Variants in PLEKHA6 observed in about 807,000 individuals in gnomAD.
The protein encoded by PLEKHA6 is pleckstrin homology domain-containing family A member 6.
Under a neutral mutation model 116.7 loss-of-function variants are expected in PLEKHA6, and 60 were observed. The observed-to-expected ratio is 0.51, with a 90% CI of 0.42 to 0.64. PLEKHA6 has a LOEUF of 0.64. PLEKHA6 is among the 30% of genes least tolerant of loss of function. The probability of loss-of-function intolerance (pLI) is 0.00; values close to 1 mark genes in which losing one functional copy is unlikely to be tolerated. For missense variants in PLEKHA6, 1,338 were observed against 1,422.7 expected, an observed-to-expected ratio of 0.94 and a Z score of 0.96; for synonymous variants, 489 against 556.1, an observed-to-expected ratio of 0.88 and a Z score of 1.70.
chr1:204,305,769 C>T (rs1306203740), intron 1 of PLEKHA6, among the ~76,000 whole-genome samples: 1 of 149,752 alleles, frequency 6.7e-6, no homozygotes, highest in Non-Finnish European at 1.5e-5. Flanking sequence ...ATGTTTAATG[C>T]CCATAGTTTC....
chr1:204,227,962 G>C (rs1660594374), intron 21 of PLEKHA6, 121 bp downstream of exon 21: 3 of 1,018,924 alleles, frequency 2.9e-6, no homozygotes, highest in South Asian at 3.3e-5. Flanking sequence ...ACCTCGAGGA[G>C]CATCTCCTCA....
At chr1:204,293,705 T>C (rs113640301) in intron 1 of PLEKHA6, among the ~76,000 whole-genome samples, 9,451 of 152,252 alleles carry the variant, frequency 0.062, 420 homozygotes, top group Non-Finnish European at 0.094. Flanking sequence ...TACCGAGTTT[T>C]TTGGCACCCA....
intron 1 of PLEKHA6, chr1:204,326,911 A>G (rs1439406978): frequency 8.2e-6 from 7 of 855,134 alleles, no homozygotes; most frequent in Non-Finnish European, 9.8e-6. Flanking sequence ...AGGGTGAGGA[A>G]CTGCTCACTG....
intron 1 of PLEKHA6, among the ~76,000 whole-genome samples, chr1:204,377,271 G>T (rs1203758630): frequency 8.5e-5 from 13 of 152,168 alleles, no homozygotes; most frequent in Non-Finnish European, 1.8e-4. Flanking sequence ...AAAACTCCAG[G>T]CTGGGCATTG....
intron 1 of PLEKHA6, among the ~76,000 whole-genome samples, chr1:204,354,171 C>A (rs1187440834): frequency 6.6e-6 from 1 of 152,166 alleles, no homozygotes; most frequent in Non-Finnish European, 1.5e-5. Context: ...AAGGAGGGAC[C>A]TCACCTCCTC....
At chr1:204,347,254 G>A (rs1045131173) in intron 1 of PLEKHA6, 37 of 1,034,464 alleles carry the variant, frequency 3.6e-5, no homozygotes, top group Non-Finnish European at 5.1e-5. Context: ...CTTTGTATTC[G>A]TCATTTTGGC....
intron 1 of PLEKHA6, among the ~76,000 whole-genome samples, chr1:204,338,561 A>T (rs1330243888): frequency 6.6e-6 from 1 of 152,184 alleles, no homozygotes; most frequent in African/African-American, 2.4e-5. Flanking sequence ...GTTGAGATTA[A>T]CAAGAAGAAC....
chr1:204,311,922 T>C (rs1671671359), intron 1 of PLEKHA6, among the ~76,000 whole-genome samples: 3 of 152,248 alleles, frequency 2.0e-5, no homozygotes, highest in Admixed American at 2.0e-4. Context: ...AGCCCATTTC[T>C]TACCCTTCCT....
chr1:204,283,478 C>A (rs1043662127), intron 1 of PLEKHA6, among the ~76,000 whole-genome samples: 1 of 152,184 alleles, frequency 6.6e-6, no homozygotes, highest in African/African-American at 2.4e-5. Flanking sequence ...AAAAATAAAA[C>A]GCATGCAATC....
chr1:204,352,554 G>A (rs952173680), intron 1 of PLEKHA6, among the ~76,000 whole-genome samples: 4 of 152,180 alleles, frequency 2.6e-5, no homozygotes, highest in African/African-American at 9.7e-5. Context: ...CCGGCTTAAG[G>A]TTTCTGCCTT....
In PLEKHA6 at chr1:204,297,231, C is replaced by T. The variant is rs1670371124; in HGVS notation, c.-94-22422G>A. On this transcript the variant is annotated intron_variant, in intron 1 of 22. Coordinates refer to ENST00000272203, the MANE Select transcript of PLEKHA6 (RefSeq NM_014935.5). ...TGTGACATTTAACTCCTAAACACTA[C>T]CTTCTGGTAGGAAAATACATGGATA... The T allele has an allele frequency of 4.1e-6, 4 of 978,806 alleles. No homozygotes were observed. In the South Asian group the frequency reaches 1.4e-4, roughly 35 times the overall value. 60.6% of individuals were successfully genotyped at this position (978,806 alleles called of 1,614,324 possible).
chr1:204,339,924 T>C (rs943417547), intron 1 of PLEKHA6, among the ~76,000 whole-genome samples: 5 of 152,228 alleles, frequency 3.3e-5, no homozygotes, highest in African/African-American at 1.2e-4. Flanking sequence ...ATAAACTATA[T>C]TAACTGTATA....
rs529328646 is a variant in PLEKHA6, at chr1:204,315,806, G to A, written c.-94-40997C>T. Reference sequence around the variant, plus strand: ...ATGAGGGCAGCGTGAGTGGGGAGCCGGGGAGATGCCCAGGGGAGGCCACAG... The same window carrying A: ...ATGAGGGCAGCGTGAGTGGGGAGCCAGGGAGATGCCCAGGGGAGGCCACAG... On this transcript the variant is annotated intron_variant, in intron 1 of 22. Coordinates refer to ENST00000272203, the MANE Select transcript of PLEKHA6 (RefSeq NM_014935.5). Among the ~76,000 whole-genome samples the A allele has an allele frequency of 4.8e-4, 73 of 152,234 alleles. 1 individual carries two copies. In the South Asian group the frequency reaches 0.011, roughly 23 times the overall value.
At chr1:204,282,656 T>C (rs1668748479) in intron 1 of PLEKHA6, 1 of 985,206 alleles carries the variant, frequency 1.0e-6, no homozygotes, top group African/African-American at 1.7e-5. Flanking sequence ...CTGAAGTGTC[T>C]TCCAATTGTG....
At position 204,221,448 on chromosome 1, in the gene PLEKHA6, C is replaced by T. The variant is rs4489623; in HGVS notation, c.*1340G>A. 0.4 allele frequency: 60,300 copies of T among 152,436 alleles called. 12,056 individuals are homozygous for T. The highest frequency in any genetic ancestry group is 0.51 in the East Asian group (2,605 of 5,148). The allele number at this position is 152,436 out of a possible 1,614,324, so 9.4% of individuals were successfully genotyped here. ...AGGTGGGTGGAGCTGAGGAGGAATG[C>T]GTTTGCTTTTCTCTGTCTTCCCCGC... On this transcript the variant is annotated 3_prime_UTR_variant, in exon 23 of 23. Transcript: ENST00000272203.
At chr1:204,264,264 C>T (rs946546133) in intron 6 of PLEKHA6, among the ~76,000 whole-genome samples, 4 of 151,868 alleles carry the variant, frequency 2.6e-5, no homozygotes, top group African/African-American at 4.9e-5. Flanking sequence ...ACTTTTTAAA[C>T]GTGGAAAAAC....
Position 204,257,354 on chromosome 1 carries a change from T to A in PLEKHA6, c.1523A>T (p.Lys508Met). Reference sequence around the variant, plus strand: ...AGGAAGGGCAGGCTGGTGGCTCACCTTGGGGGAGCTGATGGATCGCCTCAT... The same window carrying A: ...AGGAAGGGCAGGCTGGTGGCTCACCATGGGGGAGCTGATGGATCGCCTCAT... Reference protein sequence around the residue: ...YVMRRSISSPKVPPYPEVFRD... With the variant: ...YVMRRSISSPMVPPYPEVFRD... The change falls in exon 9 of 23, where the codon AAG becomes ATG. Residue 508 changes from lysine (K) to methionine (M), a missense_variant and splice_region_variant. Transcript: ENST00000272203. The surrounding 1 kb of genome is among the most constrained non-coding windows in gnomAD (Gnocchi z 6.5). 6.4e-7 allele frequency: 1 copy of A among 1,560,520 alleles called. No homozygotes were observed. The highest frequency in any genetic ancestry group is 8.7e-7 in the Non-Finnish European group (1 of 1,151,796).
intron 1 of PLEKHA6, among the ~76,000 whole-genome samples, chr1:204,341,241 C>T (rs1180427854): frequency 6.6e-6 from 1 of 152,200 alleles, no homozygotes; most frequent in Non-Finnish European, 1.5e-5. Context: ...TGGCTTCGCA[C>T]TAGAATTACC....
At chr1:204,341,784 T>C (rs2103317415) in intron 1 of PLEKHA6, among the ~76,000 whole-genome samples, 1 of 152,274 alleles carries the variant, frequency 6.6e-6, no homozygotes, top group South Asian at 2.1e-4. Context: ...AAACCAAACA[T>C]TTAAACTTTA....
Sources: allele counts gnomAD v4.1 joint callset (sites outside exome capture counted in the v4.1 genomes callset), GRCh38; gene constraint gnomAD v4.1.1; non-coding constraint Gnocchi (gnomAD v3.1); transcripts MANE v1.5; gene names NCBI Gene and HGNC (gene_info 2026-07-23, HGNC 2026-07-21).